The following TTC28 variants were observed in gnomAD, a reference collection of about 807,000 sequenced individuals.
The protein encoded by TTC28 is tetratricopeptide repeat protein 28.
A neutral mutation model predicts 198.0 loss-of-function variants in TTC28; 61 were observed. The ratio of observed to expected loss-of-function variants is 0.31; its 90% CI spans 0.25 to 0.38. The LOEUF (loss-of-function observed/expected upper bound fraction) is 0.38, where lower values mean the gene tolerates loss of function less well. TTC28 is among the 10% of genes least tolerant of loss of function. The probability of loss-of-function intolerance (pLI) is 1.00; values close to 1 mark genes in which losing one functional copy is unlikely to be tolerated. For missense variants in TTC28, 2,678 were observed against 3,164.0 expected (o/e 0.85, Z 3.69); for synonymous variants, 1,171 against 1,297.8 (o/e 0.90, Z 2.10).
Position 27,990,032 on chromosome 22 carries a change from C to T in TTC28, c.5578-25G>A, listed in dbSNP as rs878576. ...GCTGAGGAAGGGGGGACAGCGTGAGCACCCTGTGTCTCCTTCCCCTCCAGC... is the reference window on the plus strand; with the variant it reads ...GCTGAGGAAGGGGGGACAGCGTGAGTACCCTGTGTCTCCTTCCCCTCCAGC... On this transcript the variant is annotated intron_variant, in intron 20 of 22. Coordinates refer to ENST00000397906, the MANE Select transcript of TTC28 (RefSeq NM_001145418.2). The T allele has an allele frequency of 1.2e-5, 19 of 1,540,636 alleles. No individual in the cohort carries two copies. In the Admixed American group the frequency reaches 3.2e-4, roughly 26 times the overall value.
intron 2 of TTC28, among the ~76,000 whole-genome samples, chr22:28,581,694 T>C (rs971865068): frequency 6.6e-6 from 1 of 152,206 alleles, no homozygotes; most frequent in East Asian, 1.9e-4. Flanking sequence ...GATGGGAAGA[T>C]TGCTTGAGCC....
intron 12 of TTC28, among the ~76,000 whole-genome samples, chr22:28,093,134 T>C (rs1231732309): frequency 3.9e-5 from 6 of 152,336 alleles, no homozygotes; most frequent in East Asian, 1.9e-4. Context: ...CCTTCCAATA[T>C]TGACATTAAA....
At chr22:28,164,086 G>C (rs1006291849) in intron 5 of TTC28, among the ~76,000 whole-genome samples, 1 of 152,202 alleles carries the variant, frequency 6.6e-6, no homozygotes, top group Non-Finnish European at 1.5e-5. Flanking sequence ...AGGCGGAAGC[G>C]AGGCTGGGGG....
intron 5 of TTC28, among the ~76,000 whole-genome samples, chr22:28,237,544 T>C (rs978726859): frequency 2.0e-5 from 3 of 152,214 alleles, no homozygotes; most frequent in Non-Finnish European, 4.4e-5. Flanking sequence ...CTCTTATTCT[T>C]TGAGCTATTA....
intron 2 of TTC28, among the ~76,000 whole-genome samples, chr22:28,388,061 A>G (rs1350832438): frequency 6.6e-6 from 1 of 152,206 alleles, no homozygotes; most frequent in African/African-American, 2.4e-5. Flanking sequence ...CTATCTACAT[A>G]TGGCTAGCCA....
chr22:28,279,907 C>T (rs190595698), intron 5 of TTC28, among the ~76,000 whole-genome samples: 268 of 152,292 alleles, frequency 1.8e-3, no homozygotes, highest in Middle Eastern at 0.01. Flanking sequence ...TATCTGATTT[C>T]TTTCACACAG....
At chr22:28,550,376 C>T (rs2049642826) in intron 2 of TTC28, among the ~76,000 whole-genome samples, 1 of 152,126 alleles carries the variant, frequency 6.6e-6, no homozygotes, top group African/African-American at 2.4e-5. Flanking sequence ...ATTCAAGCTA[C>T]ATCTCCTTAA....
intron 5 of TTC28, among the ~76,000 whole-genome samples, chr22:28,255,620 G>A (rs1478730128): frequency 2.6e-5 from 4 of 151,724 alleles, no homozygotes; most frequent in Non-Finnish European, 4.4e-5. Context: ...GGCAGAGATT[G>A]CGGTGAGCTG....
chr22:28,159,368 G>A (rs1285880895), intron 6 of TTC28, among the ~76,000 whole-genome samples: 1 of 152,070 alleles, frequency 6.6e-6, no homozygotes, highest in African/African-American at 2.4e-5. Flanking sequence ...TAAAAATAGA[G>A]CTACCGGCCG....
At chr22:28,233,999 C>T (rs1027834443) in intron 5 of TTC28, among the ~76,000 whole-genome samples, 1 of 151,810 alleles carries the variant, frequency 6.6e-6, no homozygotes, top group African/African-American at 2.4e-5. Flanking sequence ...CTCCGCCTCC[C>T]GGGTTCACGC....
rs2046688358 is a variant in TTC28, at chr22:28,390,038, T to C, written c.382-83395A>G. ...AATGTGTCCCAGAGATTCTGGTATGTTGTGTCTTTGTTCTCGTTGGTTTCA... is the reference window on the plus strand; with the variant it reads ...AATGTGTCCCAGAGATTCTGGTATGCTGTGTCTTTGTTCTCGTTGGTTTCA... On this transcript the variant is annotated intron_variant, in intron 2 of 22. Coordinates refer to ENST00000397906, the MANE Select transcript of TTC28 (RefSeq NM_001145418.2). Among the ~76,000 whole-genome samples the C allele has an allele frequency of 4.0e-5, 6 of 150,528 alleles. No homozygotes were observed. The South Asian group carries it at 1.3e-3, about 32-fold the overall frequency.
At chr22:28,515,914 G>A (rs1232953625) in intron 2 of TTC28, among the ~76,000 whole-genome samples, 1 of 152,100 alleles carries the variant, frequency 6.6e-6, no homozygotes, top group Non-Finnish European at 1.5e-5. Context: ...GGAGCCTGAG[G>A]TGGGCAAATC....
At chr22:28,304,971 A>AT (rs374311864) in intron 3 of TTC28, among the ~76,000 whole-genome samples, 7 of 147,884 alleles carry the variant, frequency 4.7e-5, no homozygotes, top group Non-Finnish European at 8.9e-5. Flanking sequence ...TTGTTTATTT[A>AT]TTATTTATTT....
chr22:28,079,877 C>T lies in TTC28; in HGVS notation c.3932+14203G>A, dbSNP rs1037830340. Among the ~76,000 whole-genome samples the T allele has an allele frequency of 2.6e-5, 4 of 152,050 alleles. No homozygotes were observed. In the South Asian group the frequency reaches 6.2e-4, roughly 24 times the overall value. ...CTGAGTAGCTGGTACTATAGGCATA[C>T]GACCACATCTGGCTAGTTTTAAAAA... is the stretch of plus-strand genomic sequence containing the variant. On this transcript the variant is annotated intron_variant, in intron 12 of 22. Transcript: ENST00000397906.
chr22:28,613,781 G>T (rs1032337168), intron 2 of TTC28, among the ~76,000 whole-genome samples: 1 of 152,198 alleles, frequency 6.6e-6, no homozygotes, highest in Non-Finnish European at 1.5e-5. Flanking sequence ...ACTAGGTATT[G>T]ATGGAACATA....
intron 2 of TTC28, among the ~76,000 whole-genome samples, chr22:28,348,197 A>G (rs895601101): frequency 6.6e-6 from 1 of 152,224 alleles, no homozygotes; most frequent in Admixed American, 6.5e-5. Flanking sequence ...CTTAGACACT[A>G]GGAACAATGG....
chr22:28,088,477 T>C (rs1266104424), intron 12 of TTC28, among the ~76,000 whole-genome samples: 1 of 152,186 alleles, frequency 6.6e-6, no homozygotes, highest in African/African-American at 2.4e-5. Context: ...AAGCTGAAAC[T>C]GGATCCCTTC....
chr22:28,252,332 TC>T (rs1482252758), intron 5 of TTC28, among the ~76,000 whole-genome samples: 1 of 152,196 alleles, frequency 6.6e-6, no homozygotes, highest in Non-Finnish European at 1.5e-5. Flanking sequence ...TATTCTCTAT[TC>T]CAACTACTGA....
At chr22:28,411,874 A>G (rs2047087470) in intron 2 of TTC28, among the ~76,000 whole-genome samples, 1 of 152,214 alleles carries the variant, frequency 6.6e-6, no homozygotes, top group East Asian at 1.9e-4. Context: ...CATAACATAC[A>G]GGTTCGAGGA....
Sources: gnomAD v4.1 joint callset for allele counts (sites outside exome capture counted in the v4.1 genomes callset) on GRCh38, gnomAD v4.1.1 for gene constraint, MANE v1.5 for transcripts, NCBI Gene and HGNC (gene_info 2026-07-23, HGNC 2026-07-21) for gene names.